The following ADAMTS17 variants were observed in gnomAD, a reference collection of about 807,000 sequenced individuals.
ADAMTS17 encodes the protein ADAM metallopeptidase with thrombospondin type 1 motif 17, also known as A disintegrin and metalloproteinase with thrombospondin motifs 17.
In ADAMTS17, 113 loss-of-function variants were observed where a neutral mutation model predicts 141.5. That is an observed-to-expected ratio of 0.80 (90% CI 0.69 to 0.93). ADAMTS17 has a LOEUF of 0.93. Ranked by LOEUF, ADAMTS17 falls within the 40% of genes least tolerant of loss-of-function variation. The pLI is 0.00. For missense variants in ADAMTS17, 1,659 were observed against 1,517.9 expected, an observed-to-expected ratio of 1.09 and a Z score of -1.54; for synonymous variants, 768 against 630.6, an observed-to-expected ratio of 1.22 and a Z score of -3.27.
chr15:100,232,126 T>C (rs1459640600), intron 7 of ADAMTS17, among the ~76,000 whole-genome samples: 1 of 152,182 alleles, frequency 6.6e-6, no homozygotes. Flanking sequence ...TCCAATGAGA[T>C]AGGCAGAAAA....
chr15:99,997,442 C>G lies in ADAMTS17; in HGVS notation c.2739G>C (p.Val913=). The part of the protein sequence containing the change: ...LYCPGPRPAA[V]QSCEGQDCLS... ...GGCAGTCCTGGCCTTCACAGCTCTG[C>G]ACTGCCGCCGGCCGGGGGCCCGGGC... Residue 913 remains valine (V), a synonymous_variant, in exon 19 of 22, where the codon GTG becomes GTC. Coordinates refer to ENST00000268070, the MANE Select transcript of ADAMTS17 (RefSeq NM_139057.4). This position sits in a 1 kb window ranked among gnomAD's most constrained non-coding sequence, Gnocchi z 4.7. 1 of 1,613,662 alleles carries G rather than the reference C, an allele frequency of 6.2e-7. No homozygotes were observed. The highest frequency in any genetic ancestry group is 1.1e-5 in the South Asian group (1 of 91,076).
chr15:100,199,258 A>G, intron 8 of ADAMTS17, 60 bp downstream of exon 8: 1 of 1,470,464 alleles, frequency 6.8e-7, no homozygotes, highest in Non-Finnish European at 9.5e-7. Context: ...AATTCAAGTG[A>G]AAAATCTGCA....
rs556800178 is a variant in ADAMTS17 at position 100,091,010 on chromosome 15, C to CAAAAAAAAAAA, written c.2137+5335_2137+5345dup. 3.8e-4 allele frequency among the ~76,000 whole-genome samples: 21 copies of CAAAAAAAAAAA among 54,598 alleles called. 1 individual carries two copies. The highest frequency in any genetic ancestry group is 1.3e-3 in the African/African-American group (19 of 14,108). 35.8% of individuals were successfully genotyped at this position (54,598 alleles called of 152,430 possible). The stretch of plus-strand genomic sequence containing the variant: ...GAGGCAGAGTGAGACTCCGTCTCAA[C>CAAAAAAAAAAA]AAAAAAAAAAAAAAAAAAGGGTAAC... On this transcript the variant is annotated intron_variant, in intron 15 of 21. Transcript: ENST00000268070.
intron 3 of ADAMTS17, among the ~76,000 whole-genome samples, chr15:100,292,153 GCTCACCCCGTGGGAAACTACGAGAC>G (rs1567496926): frequency 1.8e-4 from 26 of 147,588 alleles, no homozygotes; most frequent in East Asian, 1.0e-3. Context: ...CACGAGACAC[GCTCACCCCGTGGGAAACTACGAGAC>G]ACGCTCACCC....
At chr15:100,009,318 G>A (rs141190616) in intron 18 of ADAMTS17, among the ~76,000 whole-genome samples, 7 of 152,216 alleles carry the variant, frequency 4.6e-5, no homozygotes, top group African/African-American at 1.7e-4. Context: ...TCAGTTCAGG[G>A]GCTTTCTTTT....
At chr15:100,250,567 C>A (rs2043122407) in intron 7 of ADAMTS17, among the ~76,000 whole-genome samples, 1 of 152,178 alleles carries the variant, frequency 6.6e-6, no homozygotes, top group African/African-American at 2.4e-5. Context: ...CAGGGAGTGG[C>A]TCTCAAGAGG....
intron 12 of ADAMTS17, among the ~76,000 whole-genome samples, chr15:100,127,513 G>C (rs2037804022): frequency 6.6e-6 from 1 of 152,180 alleles, no homozygotes; most frequent in Admixed American, 6.5e-5. Context: ...CTCCAAACGT[G>C]GCCTGCCGCT....
chr15:100,153,998 T>C (rs921459170), intron 9 of ADAMTS17, among the ~76,000 whole-genome samples: 1 of 152,200 alleles, frequency 6.6e-6, no homozygotes, highest in Non-Finnish European at 1.5e-5. Context: ...CTGGCCAACA[T>C]GGCGAAACCC....
At chr15:100,288,194 A>C (rs994978359) in intron 3 of ADAMTS17, among the ~76,000 whole-genome samples, 2 of 152,214 alleles carry the variant, frequency 1.3e-5, no homozygotes, top group Non-Finnish European at 2.9e-5. Context: ...AAACAAAACA[A>C]AACAAAAAAG....
chr15:100,177,654 G>A (rs1039335688), intron 8 of ADAMTS17, among the ~76,000 whole-genome samples: 17 of 150,208 alleles, frequency 1.1e-4, no homozygotes, highest in Non-Finnish European at 2.5e-4. Flanking sequence ...AATGTCCGTC[G>A]GATCCTGTTG....
intron 15 of ADAMTS17, among the ~76,000 whole-genome samples, chr15:100,087,422 G>T (rs58434492): frequency 0.028 from 4,312 of 151,654 alleles, 208 homozygotes; most frequent in African/African-American, 0.099. Context: ...AGGAGGAGCT[G>T]GTACCATTCC....
chr15:100,121,119 A>T (rs947753564), intron 12 of ADAMTS17, among the ~76,000 whole-genome samples: 3 of 152,250 alleles, frequency 2.0e-5, no homozygotes, highest in African/African-American at 7.2e-5. Flanking sequence ...GGCAGAAGAA[A>T]GAATTAGCAA....
intron 4 of ADAMTS17, among the ~76,000 whole-genome samples, chr15:100,275,790 C>T (rs948766536): frequency 1.1e-4 from 16 of 151,562 alleles, no homozygotes; most frequent in African/African-American, 2.4e-4. Context: ...CAGTGGCTGA[C>T]GCTAATCTAA....
At chr15:100,309,937 G>A (rs887443625) in intron 3 of ADAMTS17, among the ~76,000 whole-genome samples, 4 of 152,218 alleles carry the variant, frequency 2.6e-5, no homozygotes, top group Admixed American at 6.5e-5. Flanking sequence ...AGGGAAAGGC[G>A]TCAGGGATAG....
intron 12 of ADAMTS17, among the ~76,000 whole-genome samples, chr15:100,117,967 G>A (rs2037243564): frequency 6.6e-6 from 1 of 152,196 alleles, no homozygotes; most frequent in African/African-American, 2.4e-5. Flanking sequence ...TAGCCATTTC[G>A]TGTTGTGTAT....
chr15:100,144,036 G>A (rs1427623033), intron 10 of ADAMTS17, among the ~76,000 whole-genome samples: 2 of 152,138 alleles, frequency 1.3e-5, no homozygotes, highest in East Asian at 1.9e-4. Context: ...GGTATGTGGT[G>A]AATGCATAAT....
At position 100,341,163 on chromosome 15, in the gene ADAMTS17, A is replaced by G; in HGVS notation, c.326T>C (p.Val109Ala). 1 of 1,456,190 alleles carries G rather than the reference A, an allele frequency of 6.9e-7. No individual in the cohort carries two copies. Among genetic ancestry groups the G allele is most frequent in the Non-Finnish European group, 9.0e-7 (1 of 1,109,598 alleles). The allele number at this position is 1,456,190 out of a possible 1,614,324, so 90.2% of individuals were successfully genotyped here. ...DLRFLSRGFE[V>A]EEAGAARRRG... ...GCGCCGGGCCGCGCCCGCCTCCTCC[A>G]CCTCGAAGCCTCGGGACAGGAAGCG... Residue 109 changes from valine (V) to alanine (A), a missense_variant, in exon 2 of 22, where the codon GTG becomes GCG. Transcript: ENST00000268070.
At chr15:100,303,551 TACTC>T (rs2045117104) in intron 3 of ADAMTS17, among the ~76,000 whole-genome samples, 1 of 152,140 alleles carries the variant, frequency 6.6e-6, no homozygotes, top group South Asian at 2.1e-4. Flanking sequence ...AGACCACAAA[TACTC>T]ACATCTATGT....
At chr15:100,023,502 G>A (rs1022329870) in intron 18 of ADAMTS17, among the ~76,000 whole-genome samples, 1 of 152,006 alleles carries the variant, frequency 6.6e-6, no homozygotes, top group East Asian at 1.9e-4. Flanking sequence ...CACTTTGCCT[G>A]GCCAAGAAAA....
Sources: gnomAD v4.1 joint callset for allele counts (sites outside exome capture counted in the v4.1 genomes callset) on GRCh38, gnomAD v4.1.1 for gene constraint, Gnocchi (gnomAD v3.1) non-coding constraint, MANE v1.5 for transcripts, NCBI Gene and HGNC (gene_info 2026-07-23, HGNC 2026-07-21) for gene names.